ROR1: variants seen among roughly 807,000 people sequenced by gnomAD.
ROR1 encodes the protein inactive tyrosine-protein kinase transmembrane receptor ROR1.
ROR1 carries 19 observed loss-of-function variants against 78.8 expected under a neutral mutation model. The ratio of observed to expected loss-of-function variants is 0.24; its 90% CI spans 0.17 to 0.35. The LOEUF is 0.35. ROR1 is among the 10% of genes least tolerant of loss of function. ROR1 has a pLI of 1.00. For synonymous variants in ROR1, 386 were observed against 433.6 expected, an observed-to-expected ratio of 0.89 and a Z score of 1.36; for missense variants, 917 against 1,177.8, an observed-to-expected ratio of 0.78 and a Z score of 3.24.
At chr1:64,090,269 A>G (rs1352643182) in intron 4 of ROR1, among the ~76,000 whole-genome samples, 1 of 152,192 alleles carries the variant, frequency 6.6e-6, no homozygotes, top group Non-Finnish European at 1.5e-5. Context: ...GAACACTGAC[A>G]GTGAGTCATG....
chr1:64,169,916 C>A (rs748100772), intron 8 of ROR1, among the ~76,000 whole-genome samples: 3 of 152,234 alleles, frequency 2.0e-5, no homozygotes, highest in African/African-American at 7.2e-5. Flanking sequence ...TCCTTTGACT[C>A]CATGTCTCAC....
At chr1:63,861,582 C>T (rs1430140293) in intron 1 of ROR1, among the ~76,000 whole-genome samples, 1 of 152,138 alleles carries the variant, frequency 6.6e-6, no homozygotes, top group African/African-American at 2.4e-5. Context: ...CAGCCGAGCA[C>T]GTTGAACTGA....
At chr1:64,050,859 C>T in intron 4 of ROR1, 143 bp downstream of exon 4, 1 of 800,712 alleles carries the variant, frequency 1.2e-6, no homozygotes, top group South Asian at 1.5e-5. Context: ...TTCCATTTTG[C>T]TTGTTCTCTG....
intron 4 of ROR1, among the ~76,000 whole-genome samples, chr1:64,112,941 C>T (rs544065117): frequency 2.6e-5 from 4 of 152,286 alleles, no homozygotes; most frequent in South Asian, 4.1e-4. Context: ...TCCACATTGC[C>T]GCACTAATTT....
intron 4 of ROR1, among the ~76,000 whole-genome samples, chr1:64,070,858 T>C (rs75954611): frequency 3.0e-4 from 46 of 152,138 alleles, no homozygotes; most frequent in African/African-American, 1.1e-3. Flanking sequence ...AAGAAGAAAG[T>C]CTAATGTGTC....
intron 1 of ROR1, among the ~76,000 whole-genome samples, chr1:63,955,557 C>A (rs891878494): frequency 6.6e-6 from 1 of 152,058 alleles, no homozygotes; most frequent in Non-Finnish European, 1.5e-5. Flanking sequence ...TGAAAGGGGG[C>A]GTAAATCAAA....
intron 1 of ROR1, among the ~76,000 whole-genome samples, chr1:63,883,735 T>C (rs567839940): frequency 7.2e-5 from 11 of 152,268 alleles, no homozygotes; most frequent in Admixed American, 7.2e-4. Context: ...TTTTGCCAGC[T>C]TGAGTTCTGA....
intron 1 of ROR1, among the ~76,000 whole-genome samples, chr1:63,943,967 C>T (rs779563443): frequency 2.6e-5 from 4 of 152,112 alleles, no homozygotes; most frequent in Non-Finnish European, 4.4e-5. Context: ...ATAGCATCAC[C>T]TTCATTTACT....
At chr1:64,130,625 C>G (rs905801268) in intron 4 of ROR1, among the ~76,000 whole-genome samples, 3 of 152,118 alleles carry the variant, frequency 2.0e-5, no homozygotes, top group Admixed American at 6.5e-5. Flanking sequence ...TAGCAGTTAA[C>G]TAAGGTTGCT....
At chr1:63,787,952 A>C (rs1261763741) in intron 1 of ROR1, among the ~76,000 whole-genome samples, 1 of 152,212 alleles carries the variant, frequency 6.6e-6, no homozygotes, top group Non-Finnish European at 1.5e-5. Flanking sequence ...GGGATGGGGA[A>C]GCTGAGAGAT....
At chr1:63,816,379 G>C (rs1287304719) in intron 1 of ROR1, among the ~76,000 whole-genome samples, 1 of 152,170 alleles carries the variant, frequency 6.6e-6, no homozygotes, top group African/African-American at 2.4e-5. Flanking sequence ...TCTCATGACA[G>C]TGAGTAAGTC....
chr1:63,961,696 G>A (rs985849870), intron 1 of ROR1, among the ~76,000 whole-genome samples: 1 of 152,188 alleles, frequency 6.6e-6, no homozygotes, highest in African/African-American at 2.4e-5. Flanking sequence ...GGGTAGGGGA[G>A]AGTGGAGAGG....
Position 63,952,174 on chromosome 1 carries a change from A to G in ROR1, c.92-57131A>G, listed in dbSNP as rs541165442. ...AAGGGATGGGAAAGGAAGGGCTCTC[A>G]CAGTTCTGGTCTGAGCTGAGATCTG... On this transcript the variant is annotated intron_variant, in intron 1 of 8. Coordinates refer to ENST00000371079, the MANE Select transcript of ROR1 (RefSeq NM_005012.4). 1.8e-4 allele frequency among the ~76,000 whole-genome samples: 28 copies of G among 152,160 alleles called. 1 individual carries two copies. The highest frequency in any genetic ancestry group is 4.1e-4 in the Non-Finnish European group (28 of 68,020).
rs1650436875 is a variant in ROR1, at chr1:64,178,079, G to T, written c.2038G>T (p.Val680Phe). The T allele has an allele frequency of 6.2e-7, 1 of 1,614,010 alleles. No homozygotes were observed. Among genetic ancestry groups the T allele is most frequent in the South Asian group, 1.1e-5 (1 of 91,080 alleles). Residue 680 changes from valine to phenylalanine, a missense_variant, in exon 9 of 9, where the codon GTT becomes TTT. Physicochemically the swap from Val to Phe is conservative, Grantham distance 50. Around this residue, in one of 3 missense-constraint regions of ROR1, gnomAD observed 835 missense variants for 1,069.8 expected, o/e 0.78. Transcript: ENST00000371079. The surrounding 1 kb of genome is among the most constrained non-coding windows in gnomAD (Gnocchi z 4.3). The stretch of plus-strand genomic sequence containing the variant: ...TGATTCAGATATCTGGTCCTTTGGG[G>T]TTGTCTTGTGGGAGATTTTCAGTTT... ...SSDSDIWSFGVVLWEIFSFGL... is the reference protein window; with the variant it reads ...SSDSDIWSFGFVLWEIFSFGL...
At chr1:64,056,569 G>A (rs1189965619) in intron 4 of ROR1, among the ~76,000 whole-genome samples, 6 of 151,332 alleles carry the variant, frequency 4.0e-5, no homozygotes, top group Non-Finnish European at 5.9e-5. Flanking sequence ...CCAGCTACTC[G>A]AGAGGCTGAG....
chr1:63,913,816 G>C (rs1038115843), intron 1 of ROR1, among the ~76,000 whole-genome samples: 1 of 152,214 alleles, frequency 6.6e-6, no homozygotes, highest in Non-Finnish European at 1.5e-5. Flanking sequence ...CATGACCAAG[G>C]TGATTCGCAC....
chr1:64,149,277 G>A (rs147638190), intron 7 of ROR1, among the ~76,000 whole-genome samples: 14 of 152,248 alleles, frequency 9.2e-5, no homozygotes, highest in African/African-American at 2.2e-4. Context: ...TACTGAAGCC[G>A]AGATTCAAAC....
intron 4 of ROR1, among the ~76,000 whole-genome samples, chr1:64,063,368 C>T (rs933006359): frequency 7.9e-5 from 12 of 152,102 alleles, no homozygotes; most frequent in Admixed American, 2.0e-4. Context: ...AGGAAGACAG[C>T]CCTTCCTAAA....
intron 4 of ROR1, among the ~76,000 whole-genome samples, chr1:64,079,175 C>T (rs188618639): frequency 6.6e-6 from 1 of 152,278 alleles, no homozygotes; most frequent in Non-Finnish European, 1.5e-5. Context: ...GACAGATTCT[C>T]TACCCCCAAA....
Sources: allele counts gnomAD v4.1 joint callset (sites outside exome capture counted in the v4.1 genomes callset), GRCh38; gene constraint gnomAD v4.1.1; regional missense constraint gnomAD v4.1.1; non-coding constraint Gnocchi (gnomAD v3.1); transcripts MANE v1.5; gene names NCBI Gene and HGNC (gene_info 2026-07-23, HGNC 2026-07-21).